DNAJC6: variants seen among roughly 807,000 people sequenced by gnomAD.
DNAJC6 encodes DnaJ heat shock protein family (Hsp40) member C6, also known as auxilin.
A neutral mutation model predicts 110.0 loss-of-function variants in DNAJC6; 34 were observed. That is an observed-to-expected ratio of 0.31 (90% confidence interval 0.24 to 0.41). The LOEUF is 0.41. DNAJC6 is among the 10% of genes least tolerant of loss of function. The probability of loss-of-function intolerance (pLI) is 1.00; values close to 1 mark genes in which losing one functional copy is unlikely to be tolerated. For synonymous variants in DNAJC6, 406 were observed against 437.2 expected (o/e 0.93, Z 0.89); for missense variants, 1,031 against 1,207.8 (o/e 0.85, Z 2.17).
At chr1:65,306,539 C>G (rs1645040134), upstream of DNAJC6, 1 of 152,126 alleles carries the variant, frequency 6.6e-6, no homozygotes, top group Non-Finnish European at 1.5e-5. Flanking sequence ...AGCCTGGTTC[C>G]TCAGTATTCC....
chr1:65,403,529 T>G (rs1459439329), intron 15 of DNAJC6, among the ~76,000 whole-genome samples: 4 of 152,194 alleles, frequency 2.6e-5, no homozygotes, highest in Non-Finnish European at 5.9e-5. Flanking sequence ...CTGATGATAT[T>G]CCTGTTCTTT....
At chr1:65,265,244 A>G (rs1473749991) in intron 1 of DNAJC6, among the ~76,000 whole-genome samples, 2 of 152,128 alleles carry the variant, frequency 1.3e-5, no homozygotes, top group Non-Finnish European at 2.9e-5. Context: ...CAGATTTTTG[A>G]TAATTTTATT....
At position 65,299,640 on chromosome 1, in the gene DNAJC6, A is replaced by G. The variant is rs1016805057; in HGVS notation, c.-131+34708A>G. The stretch of plus-strand genomic sequence containing the variant: ...ATGTACTTTATGTTATGCAATTTTA[A>G]TAACTACCCTGTTTTTATTAGTATT... On this transcript the variant is annotated intron_variant, in intron 1 of 19. Transcript: ENST00000263441. 3.9e-5 allele frequency among the ~76,000 whole-genome samples: 6 copies of G among 152,282 alleles called. No individual in the cohort carries two copies. In the East Asian group the frequency reaches 7.7e-4, roughly 20 times the overall value.
At chr1:65,336,193 A>C (rs12090577) in intron 1 of DNAJC6, among the ~76,000 whole-genome samples, 1,782 of 152,286 alleles carry the variant, frequency 0.012, 17 homozygotes, top group African/African-American at 0.02. Context: ...AAGCAAACAT[A>C]TCCTTCTTCA....
intron 1 of DNAJC6, among the ~76,000 whole-genome samples, chr1:65,288,014 A>G (rs1654078096): frequency 6.6e-6 from 1 of 152,156 alleles, no homozygotes; most frequent in Admixed American, 6.5e-5. Flanking sequence ...TCAGTGTAAT[A>G]CTCAGCCTTG....
At chr1:65,324,197 A>G (rs1645221010) in intron 1 of DNAJC6, among the ~76,000 whole-genome samples, 3 of 150,718 alleles carry the variant, frequency 2.0e-5, no homozygotes, top group African/African-American at 4.9e-5. Context: ...TTTTTTTGAG[A>G]CAGGGTCTCA....
chr1:65,381,318 C>T (rs953681923), intron 5 of DNAJC6, among the ~76,000 whole-genome samples: 7 of 151,794 alleles, frequency 4.6e-5, no homozygotes, highest in Admixed American at 1.3e-4. Flanking sequence ...GAGACTGAGG[C>T]AGGTGGATCA....
rs1162044500 is a variant in DNAJC6 at position 65,380,921 on chromosome 1, GTT to G, written c.666+1412_666+1413del. Reference sequence around the variant, plus strand: ...TTTTTTTTGTTTTTTGTTTTGTTTTGTTTTTTTTTTTTTTTTGGGACCGAGTC... The same window carrying G: ...TTTTTTTTGTTTTTTGTTTTGTTTTGTTTTTTTTTTTTTTGGGACCGAGTC... On this transcript the variant is annotated intron_variant, in intron 5 of 18. Coordinates refer to ENST00000371069, the MANE Select transcript of DNAJC6 (RefSeq NM_001256864.2). Among the ~76,000 whole-genome samples the G allele has an allele frequency of 7.7e-4, 76 of 99,322 alleles. 2 individuals are homozygous for G. Among genetic ancestry groups the G allele is most frequent in the African/African-American group, 3.5e-3 (65 of 18,388 alleles). 65.2% of individuals were successfully genotyped at this position (99,322 alleles called of 152,430 possible).
chr1:65,305,664 C>G (rs900531424), upstream of DNAJC6, among the ~76,000 whole-genome samples: 1 of 152,046 alleles, frequency 6.6e-6, no homozygotes, highest in Non-Finnish European at 1.5e-5. Flanking sequence ...GATTTTTGCC[C>G]TCAAAGAGTC....
At chr1:65,318,690 G>A (rs114357635) in intron 1 of DNAJC6, among the ~76,000 whole-genome samples, 2,322 of 152,254 alleles carry the variant, frequency 0.015, 76 homozygotes, top group African/African-American at 0.054. Flanking sequence ...AACACACACT[G>A]GAGCTTGTCA....
intron 1 of DNAJC6, among the ~76,000 whole-genome samples, chr1:65,298,053 A>G (rs1644944136): frequency 6.6e-6 from 1 of 151,862 alleles, no homozygotes; most frequent in Non-Finnish European, 1.5e-5. Context: ...AAAAAACCCT[A>G]GTGTCTGAAT....
chr1:65,278,646 A>G (rs1196177167), intron 1 of DNAJC6, among the ~76,000 whole-genome samples: 2 of 152,328 alleles, frequency 1.3e-5, no homozygotes, highest in South Asian at 2.1e-4. Context: ...AAGAAAATGA[A>G]CTTTTTACTG....
chr1:65,314,123 T>C (rs987854916), intron 1 of DNAJC6, among the ~76,000 whole-genome samples: 3 of 151,934 alleles, frequency 2.0e-5, no homozygotes, highest in East Asian at 1.9e-4. Flanking sequence ...ATTTCTCTTT[T>C]GATTCTCACT....
intron 11 of DNAJC6, among the ~76,000 whole-genome samples, chr1:65,390,083 C>A (rs1645911925): frequency 6.6e-6 from 1 of 152,016 alleles, no homozygotes; most frequent in African/African-American, 2.4e-5. Context: ...AATCAGGCAA[C>A]TTCCCTACTT....
intron 1 of DNAJC6, among the ~76,000 whole-genome samples, chr1:65,356,100 A>C (rs1570319087): frequency 6.6e-6 from 1 of 152,202 alleles, no homozygotes; most frequent in South Asian, 2.1e-4. Flanking sequence ...CTGTATTTTA[A>C]TACAGGTTGC....
rs150565808 is a variant in DNAJC6, at chr1:65,302,114, A to AT, written c.-131+37183dup. ...ATTATATATATAATATATAATATAT[A>AT]TATATATATAAAAAATATATATAAT... On this transcript the variant is annotated intron_variant, in intron 1 of 19. Coordinates refer to the DNAJC6 transcript ENST00000263441. Among the ~76,000 whole-genome samples, 193 of 47,998 alleles carry AT rather than the reference A, an allele frequency of 4.0e-3. 3 individuals are homozygous for AT. In the African/African-American group the frequency reaches 0.047, roughly 12 times the overall value. 31.5% of individuals were successfully genotyped at this position (47,998 alleles called of 152,430 possible).
chr1:65,365,263 G>A (rs927120460), intron 2 of DNAJC6, among the ~76,000 whole-genome samples: 2 of 152,154 alleles, frequency 1.3e-5, no homozygotes, highest in African/African-American at 4.8e-5. Flanking sequence ...CATTTATTCA[G>A]TGAGAGAAGT....
At chr1:65,381,901 C>T (rs1440347283) in intron 5 of DNAJC6, among the ~76,000 whole-genome samples, 2 of 152,176 alleles carry the variant, frequency 1.3e-5, no homozygotes, top group Admixed American at 6.5e-5. Flanking sequence ...GTACGAGAGC[C>T]TCACAATCCT....
At chr1:65,352,592 C>T (rs977648661) in intron 1 of DNAJC6, among the ~76,000 whole-genome samples, 2 of 152,214 alleles carry the variant, frequency 1.3e-5, no homozygotes, top group African/African-American at 2.4e-5. Flanking sequence ...AGTAAGGCCA[C>T]TTTGGTATAT....
Sources: allele counts gnomAD v4.1 joint callset (sites outside exome capture counted in the v4.1 genomes callset), GRCh38; gene constraint gnomAD v4.1.1; transcripts MANE v1.5; gene names NCBI Gene and HGNC (gene_info 2026-07-23, HGNC 2026-07-21).